Variants in SLC12A6 observed in about 807,000 individuals in gnomAD.
SLC12A6 encodes solute carrier family 12 member 6.
Under a neutral mutation model 135.3 loss-of-function variants are expected in SLC12A6, and 66 were observed. The observed-to-expected ratio is 0.49, with a 90% confidence interval of 0.40 to 0.60. The LOEUF (loss-of-function observed/expected upper bound fraction) is 0.60. Among genes scored for constraint, SLC12A6 ranks in the 20% least tolerant of loss-of-function variants. SLC12A6 has a pLI of 0.00. For synonymous variants in SLC12A6, 513 were observed against 508.8 expected (o/e 1.01, Z -0.11); for missense variants, 1,058 against 1,452.3 (o/e 0.73, Z 4.41).
intron 17 of SLC12A6, among the ~76,000 whole-genome samples, chr15:34,241,673 A>G (rs1283047847): frequency 6.6e-6 from 1 of 152,236 alleles, no homozygotes; most frequent in Non-Finnish European, 1.5e-5. Context: ...TTTGAAAATA[A>G]TGCAGAGAAA....
At chr15:34,259,878 G>A (rs1006151229) in intron 4 of SLC12A6, among the ~76,000 whole-genome samples, 1 of 152,132 alleles carries the variant, frequency 6.6e-6, no homozygotes, top group African/African-American at 2.4e-5. Flanking sequence ...CTTACATGTG[G>A]GATCTAAAAA....
At chr15:34,238,623 A>G (rs1322512033) in intron 20 of SLC12A6, 1 of 606,880 alleles carries the variant, frequency 1.6e-6, no homozygotes, top group Admixed American at 2.9e-5. Flanking sequence ...TCCCATTACT[A>G]CATTTCTAAG....
chr15:34,325,615 T>C (rs1889406262), intron 2 of SLC12A6, among the ~76,000 whole-genome samples: 1 of 152,200 alleles, frequency 6.6e-6, no homozygotes, highest in Admixed American at 6.5e-5. Context: ...ACCTCTTTGG[T>C]TGGTGATTTA....
chr15:34,304,741 C>T (rs1264486267), intron 2 of SLC12A6, among the ~76,000 whole-genome samples: 3 of 152,164 alleles, frequency 2.0e-5, no homozygotes, highest in Non-Finnish European at 2.9e-5. Flanking sequence ...TGAGGTTCTG[C>T]CCTGACTTAC....
chr15:34,304,427 T>C (rs537824799), intron 2 of SLC12A6, among the ~76,000 whole-genome samples: 5 of 152,362 alleles, frequency 3.3e-5, no homozygotes, highest in South Asian at 2.1e-4. Flanking sequence ...CTGGGACATA[T>C]GGTAATTCTA....
intron 12 of SLC12A6, 98 bp downstream of exon 12, chr15:34,250,529 TAGAA>T: frequency 2.4e-6 from 2 of 844,428 alleles, no homozygotes; most frequent in Non-Finnish European, 2.1e-6. Flanking sequence ...AGTGAAGTGA[TAGAA>T]AGCAGGTATC....
chr15:34,261,429 G>A (rs1566821768), intron 3 of SLC12A6, among the ~76,000 whole-genome samples: 1 of 152,092 alleles, frequency 6.6e-6, no homozygotes, highest in Non-Finnish European at 1.5e-5. Flanking sequence ...TGAAGTAGCT[G>A]GGAGTACAGG....
chr15:34,235,431 A>G (rs1309987107), intron 24 of SLC12A6, 117 bp from the exon 25 acceptor site: 7 of 503,428 alleles, frequency 1.4e-5, no homozygotes, highest in Non-Finnish European at 2.0e-5. Flanking sequence ...TGATAAAATG[A>G]TTTTTTTTTT....
chr15:34,255,171 A>T (rs943280355), intron 8 of SLC12A6, 91 bp downstream of exon 8: 1 of 1,050,108 alleles, frequency 9.5e-7, no homozygotes, highest in Non-Finnish European at 1.5e-6. Flanking sequence ...ATTTATTCCC[A>T]CAGCTGATCT....
intron 2 of SLC12A6, among the ~76,000 whole-genome samples, chr15:34,279,045 G>A (rs371597860): frequency 3.3e-5 from 5 of 151,806 alleles, no homozygotes; most frequent in East Asian, 3.9e-4. Flanking sequence ...GGCTAGGAGC[G>A]GTGGCTCACA....
chr15:34,242,511 T>C (rs1271592471), intron 16 of SLC12A6, among the ~76,000 whole-genome samples: 2 of 152,166 alleles, frequency 1.3e-5, no homozygotes, highest in African/African-American at 4.8e-5. Flanking sequence ...CCCCAAACTG[T>C]CCTTTGCAAC....
intron 23 of SLC12A6, among the ~76,000 whole-genome samples, chr15:34,236,464 C>T (rs933376631): frequency 1.3e-5 from 2 of 152,176 alleles, no homozygotes; most frequent in African/African-American, 4.8e-5. Context: ...TCTGCCTCAG[C>T]CTCCTGAGTA....
chr15:34,249,028 T>C (rs6495645), intron 13 of SLC12A6, among the ~76,000 whole-genome samples: 149,346 of 152,322 alleles, frequency 0.98, 73,260 homozygotes, highest in East Asian at 1. Flanking sequence ...AGGGCCAGAT[T>C]ACAGTGATGG....
intron 2 of SLC12A6, among the ~76,000 whole-genome samples, chr15:34,280,379 G>C (rs1204322729): frequency 6.6e-6 from 1 of 152,148 alleles, no homozygotes; most frequent in East Asian, 1.9e-4. Context: ...TTATGCTACT[G>C]GCTGTATTAT....
chr15:34,235,160 C>T (rs748818909), intron 25 of SLC12A6, 21 bp downstream of exon 25: 1 of 1,611,068 alleles, frequency 6.2e-7, no homozygotes, highest in Non-Finnish European at 8.5e-7. Flanking sequence ...CTACTGGAAG[C>T]CCCACTCTTG....
chr15:34,258,975 C>T, intron 4 of SLC12A6, 31 bp from the exon 5 acceptor site: 3 of 1,568,146 alleles, frequency 1.9e-6, no homozygotes, highest in Non-Finnish European at 2.6e-6. Flanking sequence ...AAGAAATGAG[C>T]TACAAAGAAC....
chr15:34,250,850 C>G, intron 11 of SLC12A6, 49 bp downstream of exon 11: 1 of 1,529,710 alleles, frequency 6.5e-7, no homozygotes, highest in Non-Finnish European at 9.1e-7. Flanking sequence ...AGAAAAATCA[C>G]TCCGTGGGTC....
intron 2 of SLC12A6, among the ~76,000 whole-genome samples, chr15:34,325,721 A>C (rs914326529): frequency 6.6e-6 from 1 of 152,186 alleles, no homozygotes; most frequent in Non-Finnish European, 1.5e-5. Flanking sequence ...AAGCCTCAGG[A>C]AAATCTCATG....
intron 15 of SLC12A6, 106 bp from the exon 16 acceptor site, chr15:34,244,178 A>C: frequency 2.7e-6 from 2 of 753,342 alleles, no homozygotes; most frequent in Non-Finnish European, 4.8e-6. Flanking sequence ...TAGACAACTA[A>C]CCCTTGATTA....
Sources: gnomAD v4.1 joint callset for allele counts (sites outside exome capture counted in the v4.1 genomes callset) on GRCh38, gnomAD v4.1.1 for gene constraint, MANE v1.5 for transcripts, NCBI Gene and HGNC (gene_info 2026-07-23, HGNC 2026-07-21) for gene names.